Variants in USP13 observed in about 807,000 individuals in gnomAD.
USP13 encodes the protein ubiquitin carboxyl-terminal hydrolase 13.
A neutral mutation model predicts 107.8 loss-of-function variants in USP13; 68 were observed. The observed-to-expected ratio is 0.63, with a 90% CI of 0.52 to 0.77. The LOEUF is 0.77. USP13 is among the 30% of genes least tolerant of loss of function. The pLI, the probability that USP13 is intolerant of heterozygous loss-of-function variation, is 0.00. For synonymous variants in USP13, 377 were observed against 389.5 expected, an observed-to-expected ratio of 0.97 and a Z score of 0.38; for missense variants, 945 against 1,093.3, an observed-to-expected ratio of 0.86 and a Z score of 1.91.
At chr3:179,752,617 A>G (rs540501010) in intron 14 of USP13, among the ~76,000 whole-genome samples, 1 of 152,358 alleles carries the variant, frequency 6.6e-6, no homozygotes, top group Admixed American at 6.5e-5. Flanking sequence ...CAGAATCCTC[A>G]CATTGTCAAA....
intron 9 of USP13, 120 bp downstream of exon 9, chr3:179,730,380 C>A: frequency 1.8e-6 from 2 of 1,113,426 alleles, no homozygotes; most frequent in Non-Finnish European, 1.3e-6. Context: ...AAAAAGTGTT[C>A]CAAAATGAGA....
intron 13 of USP13, among the ~76,000 whole-genome samples, chr3:179,745,629 G>A (rs990800866): frequency 9.4e-5 from 14 of 148,722 alleles, no homozygotes; most frequent in African/African-American, 3.0e-4. Flanking sequence ...TCCCCTACCC[G>A]CAAATGGCAA....
chr3:179,785,645 G>A lies in USP13; in HGVS notation c.*1504G>A, dbSNP rs926936567. ...TAGGAAAATAAACAGAACCAACCAG[G>A]TGAAACAAAGCACAGACATTGGGTT... On this transcript the variant is annotated 3_prime_UTR_variant, in exon 21 of 21. Transcript: ENST00000263966. 6.6e-6 allele frequency: 1 copy of A among 152,170 alleles called. No homozygotes were observed. The highest frequency in any genetic ancestry group is 2.4e-5 in the African/African-American group (1 of 41,438). The allele number at this position is 152,170 out of a possible 1,614,324, so 9.4% of individuals were successfully genotyped here.
intron 10 of USP13, among the ~76,000 whole-genome samples, chr3:179,738,051 T>C (rs1005618158): frequency 6.6e-6 from 1 of 152,234 alleles, no homozygotes; most frequent in Non-Finnish European, 1.5e-5. Flanking sequence ...CTGTTGCATA[T>C]GACTGTGATT....
chr3:179,716,039 C>G (rs960648269), intron 6 of USP13, among the ~76,000 whole-genome samples: 3 of 151,536 alleles, frequency 2.0e-5, no homozygotes, highest in Admixed American at 1.3e-4. Context: ...TTTCTCCTGC[C>G]TCAGCCTCCC....
At position 179,754,827 on chromosome 3, in the gene USP13, C is replaced by T. The variant is rs764830720; in HGVS notation, c.1894C>T (p.Pro632Ser). 12 of 1,612,454 alleles carry T rather than the reference C, an allele frequency of 7.4e-6. No homozygotes were observed. The highest frequency in any genetic ancestry group is 1.0e-5 in the Non-Finnish European group (12 of 1,179,374). ...GEEELPDISP[P>S]IVIPDDSKDR... ...GGAAGAACTTCCAGACATCAGCCCC[C>T]CCATAGTCATTCCTGATGACTCAAA... Residue 632 changes from proline to serine, a missense_variant, in exon 15 of 21, where the codon CCC becomes TCC. Transcript: ENST00000263966.
intron 4 of USP13, among the ~76,000 whole-genome samples, chr3:179,705,943 G>A (rs778141643): frequency 4.6e-5 from 7 of 152,068 alleles, no homozygotes; most frequent in East Asian, 1.9e-4. Flanking sequence ...GGCTGGTCTC[G>A]AACTCCTGAC....
Position 179,708,797 on chromosome 3 carries a change from C to T in USP13, c.645C>T (p.Asp215=). 3 of 1,614,174 alleles carry T rather than the reference C, an allele frequency of 1.9e-6. No individual in the cohort carries two copies. The highest frequency in any genetic ancestry group is 1.1e-5 in the South Asian group (1 of 91,078). The change falls in exon 6 of 21, where the codon GAC becomes GAT. Residue 215 remains aspartate (D), a synonymous_variant. Coordinates refer to ENST00000263966, the MANE Select transcript of USP13 (RefSeq NM_003940.3). ...PPSGWKCARC[D]LRENLWLNLT... ...GTGGTTGGAAGTGTGCCAGATGCGACCTGCGAGAAAACCTCTGGTTGAATC... is the reference window on the plus strand; with the variant it reads ...GTGGTTGGAAGTGTGCCAGATGCGATCTGCGAGAAAACCTCTGGTTGAATC...
intron 12 of USP13, among the ~76,000 whole-genome samples, chr3:179,743,365 G>T (rs1353210151): frequency 6.6e-6 from 1 of 151,104 alleles, no homozygotes; most frequent in Non-Finnish European, 1.5e-5. Flanking sequence ...ATGTATCCTG[G>T]AGTTTTTTTG....
intron 8 of USP13, among the ~76,000 whole-genome samples, chr3:179,725,196 A>C (rs1409787308): frequency 6.6e-6 from 1 of 152,168 alleles, no homozygotes; most frequent in Non-Finnish European, 1.5e-5. Flanking sequence ...TGGGCGAGGG[A>C]GTGAGACGCT....
At chr3:179,666,505 C>T (rs890259396) in intron 1 of USP13, among the ~76,000 whole-genome samples, 5 of 152,300 alleles carry the variant, frequency 3.3e-5, no homozygotes, top group Non-Finnish European at 5.9e-5. Flanking sequence ...ACCAGTGTCT[C>T]GGAGCCCAGC....
chr3:179,761,463 C>T (rs1715010853), intron 17 of USP13, among the ~76,000 whole-genome samples: 1 of 151,968 alleles, frequency 6.6e-6, no homozygotes, highest in East Asian at 1.9e-4. Context: ...GGGGCTCATG[C>T]CTGTAATCCC....
chr3:179,695,281 T>TTATTCC (rs1421260645), intron 3 of USP13, among the ~76,000 whole-genome samples: 1 of 152,244 alleles, frequency 6.6e-6, no homozygotes, highest in Admixed American at 6.5e-5. Flanking sequence ...TGGAGGTGTT[T>TTATTCC]TATTCCCATT....
chr3:179,681,789 A>G, intron 1 of USP13, 89 bp from the exon 2 acceptor site: 1 of 1,494,302 alleles, frequency 6.7e-7, no homozygotes, highest in Non-Finnish European at 9.0e-7. Flanking sequence ...CCTCGTCTTC[A>G]GCGTTTGCCT....
rs928260904 is a variant in USP13, at chr3:179,740,266, C to G, written c.1274C>G (p.Ser425Cys). 6.2e-6 allele frequency: 10 copies of G among 1,614,034 alleles called. No individual in the cohort carries two copies. Among genetic ancestry groups the G allele is most frequent in the Non-Finnish European group, 8.5e-6 (10 of 1,180,038 alleles). ...EEHKPQQNGI[S>C]PRMFKAFVSK... is the part of the protein sequence containing the mutation. ...CATTAGCCACAGCAGAACGGGATCT[C>G]TCCGCGCATGTTTAAGGCCTTTGTA... Residue 425 changes from serine to cysteine, a missense_variant, in exon 11 of 21, where the codon TCT becomes TGT. By Grantham distance (112) the Ser-to-Cys change is moderately radical. Coordinates refer to ENST00000263966, the MANE Select transcript of USP13 (RefSeq NM_003940.3).
In USP13 at chr3:179,653,075, C is replaced by T; in HGVS notation, c.-151C>T. The T allele has an allele frequency of 1.6e-6, 1 of 623,562 alleles. No homozygotes were observed. The highest frequency in any genetic ancestry group is 2.0e-6 in the Non-Finnish European group (1 of 500,576). The allele number at this position is 623,562 out of a possible 1,614,324, so 38.6% of individuals were successfully genotyped here. A position where few individuals can be genotyped will look rare whatever the true frequency, so the allele number is the denominator to read the frequency against. ...AAGCCCGCGGTGCCCGCTCCCGCCC[C>T]GCAGCCCGCTCTCCCCGCCCGCCCC... On this transcript the variant is annotated 5_prime_UTR_variant, in exon 1 of 21. Transcript: ENST00000263966. This position sits in a 1 kb window ranked among gnomAD's most constrained non-coding sequence, Gnocchi z 4.0.
At chr3:179,727,824 G>T (rs1188150396) in intron 8 of USP13, among the ~76,000 whole-genome samples, 2 of 102,626 alleles carry the variant, frequency 1.9e-5, no homozygotes, top group African/African-American at 7.5e-5. Context: ...CCTCCCGGAC[G>T]GGGCGGCTGG....
Position 179,756,212 on chromosome 3 carries a change from CAGG to C in USP13, c.1922-837_1922-835del. On this transcript the variant is annotated intron_variant, in intron 15 of 20. Transcript: ENST00000263966. Reference sequence around the variant, plus strand: ...GGCCAAGGCGGGCAGATCACGAAGTCAGGAGATTAAGACCATCCTGGCCAACAT... The same window carrying C: ...GGCCAAGGCGGGCAGATCACGAAGTCAGATTAAGACCATCCTGGCCAACAT... Among the ~76,000 whole-genome samples, 3 of 152,224 alleles carry C rather than the reference CAGG, an allele frequency of 2.0e-5. No individual in the cohort carries two copies. The Middle Eastern group carries it at 0.01, about 518-fold the overall frequency.
intron 19 of USP13, among the ~76,000 whole-genome samples, chr3:179,775,924 A>G (rs1715517811): frequency 6.6e-6 from 1 of 152,108 alleles, no homozygotes; most frequent in Non-Finnish European, 1.5e-5. Flanking sequence ...CAGCCCAGAG[A>G]GGGGCTCCCA....
Sources: gnomAD v4.1 joint callset for allele counts (sites outside exome capture counted in the v4.1 genomes callset) on GRCh38, gnomAD v4.1.1 for gene constraint, Gnocchi (gnomAD v3.1) non-coding constraint, MANE v1.5 for transcripts, NCBI Gene and HGNC (gene_info 2026-07-23, HGNC 2026-07-21) for gene names.